Variants in CFAP92 observed in about 807,000 individuals in gnomAD.
The protein encoded by CFAP92 is uncharacterized protein CFAP92.
A neutral mutation model predicts 106.3 loss-of-function variants in CFAP92; 86 were observed. That is an observed-to-expected ratio of 0.81 (90% CI 0.68 to 0.97). The LOEUF (loss-of-function observed/expected upper bound fraction) is 0.97. Ranked by LOEUF, CFAP92 falls within the 50% of genes least tolerant of loss-of-function variation. The pLI is 0.00. For missense variants in CFAP92, 1,204 were observed against 1,283.8 expected (o/e 0.94, Z 0.95); for synonymous variants, 477 against 506.4 (o/e 0.94, Z 0.78).
rs191574528 is a variant in CFAP92 at position 128,945,817 on chromosome 3, G to C, written c.1512C>G (p.Gly504=). 1.4e-5 allele frequency: 22 copies of C among 1,521,012 alleles called. No individual in the cohort carries two copies. The South Asian group carries it at 2.6e-4, about 18-fold the overall frequency. 94.2% of individuals were successfully genotyped at this position (1,521,012 alleles called of 1,614,324 possible). ...HPSDLREYLE[G]PPMVVEVHDR... is the part of the protein sequence containing the mutation. ...CGTGAACTTCCACCACCATGGGGGG[G>C]CCCTCCAGGTATTCCCTTAGGTCAC... The change falls in exon 10 of 16, where the codon GGC becomes GGG. Residue 504 remains glycine (G), a synonymous_variant. Coordinates refer to ENST00000645291, the MANE Select transcript of CFAP92 (RefSeq NM_001394090.1).
At chr3:129,024,223 G>T in the CFAP92 span, among the ~76,000 whole-genome samples, 1 of 152,080 alleles carries the variant, frequency 6.6e-6, no homozygotes, top group Non-Finnish European at 1.5e-5. Flanking sequence ...CACAGACTGG[G>T]TAATTTATAA....
At chr3:128,931,235 G>C (rs1485899726) in intron 12 of CFAP92, among the ~76,000 whole-genome samples, 1 of 152,072 alleles carries the variant, frequency 6.6e-6, no homozygotes. Context: ...CATCCAGGCT[G>C]GAATGTAATG....
chr3:128,998,991 G>A (rs192729909), upstream of CFAP92, among the ~76,000 whole-genome samples: 339 of 152,302 alleles, frequency 2.2e-3, no homozygotes, highest in South Asian at 8.3e-3. Context: ...GAAATACACA[G>A]TGATCCTCTC....
chr3:128,983,926 C>T (rs1167279072), intron 4 of CFAP92, among the ~76,000 whole-genome samples: 8 of 152,080 alleles, frequency 5.3e-5, no homozygotes, highest in African/African-American at 1.4e-4. Context: ...GCACCAGGGC[C>T]GAAGGGGAGA....
At chr3:128,930,251 C>T (rs967056695) in intron 12 of CFAP92, among the ~76,000 whole-genome samples, 5 of 151,980 alleles carry the variant, frequency 3.3e-5, no homozygotes, top group Admixed American at 6.6e-5. Flanking sequence ...CCTGGGTTCA[C>T]GCCATTCTCC....
chr3:128,993,003 C>T (rs778654714), intron 2 of CFAP92, 40 bp downstream of exon 2: 7 of 1,608,776 alleles, frequency 4.4e-6, no homozygotes, highest in Non-Finnish European at 5.1e-6. Context: ...CATGCACCTC[C>T]TTTTTTCAGA....
chr3:128,957,743 G>A (rs753797973), intron 9 of CFAP92, among the ~76,000 whole-genome samples: 3 of 152,218 alleles, frequency 2.0e-5, no homozygotes, highest in Non-Finnish European at 2.9e-5. Context: ...CATTATCCTG[G>A]AGTGGGGGAG....
At chr3:128,938,136 G>A (rs1323775826) in intron 10 of CFAP92, among the ~76,000 whole-genome samples, 1 of 151,972 alleles carries the variant, frequency 6.6e-6, no homozygotes, top group South Asian at 2.1e-4. Flanking sequence ...AGAGGCTGAG[G>A]TGGGAGGATT....
rs78389201 is a variant in CFAP92, at chr3:128,987,882, G to A, written c.454-53C>T. 94 of 1,479,604 alleles carry A rather than the reference G, an allele frequency of 6.4e-5. No homozygotes were observed. In the East Asian group the frequency reaches 1.8e-3, roughly 29 times the overall value. The allele number at this position is 1,479,604 out of a possible 1,614,324, so 91.7% of individuals were successfully genotyped here. A position where few individuals can be genotyped will look rare whatever the true frequency, so the allele number is the denominator to read the frequency against. On this transcript the variant is annotated intron_variant, in intron 3 of 15. Transcript: ENST00000645291. ...AACTGGGGAAAGATGTGCAAAGGCC[G>A]TGGCGAACAGAGCAAGCCCCAGCCC...
At chr3:129,019,950 G>A in the CFAP92 span, among the ~76,000 whole-genome samples, 1 of 151,830 alleles carries the variant, frequency 6.6e-6, no homozygotes, top group East Asian at 1.9e-4. Context: ...TGTATTTTTA[G>A]TAGAGACAGG....
intron 10 of CFAP92, among the ~76,000 whole-genome samples, chr3:128,937,332 A>AAAAC (rs796582752): frequency 2.1e-5 from 3 of 143,584 alleles, no homozygotes; most frequent in African/African-American, 5.2e-5. Flanking sequence ...AAAAAAAAAA[A>AAAAC]CCACGCGTAG....
At chr3:128,911,794 T>G (rs1936359058) in intron 15 of CFAP92, among the ~76,000 whole-genome samples, 1 of 152,240 alleles carries the variant, frequency 6.6e-6, no homozygotes, top group Non-Finnish European at 1.5e-5. Flanking sequence ...GAGGAGCATC[T>G]GGTTGTACCT....
rs1938552100 is a variant in CFAP92 at position 128,932,858 on chromosome 3, G to GT, written c.2592dup (p.Leu865ThrfsTer13). On this transcript the variant is annotated frameshift_variant, in exon 12 of 16. Coordinates refer to ENST00000645291, the MANE Select transcript of CFAP92 (RefSeq NM_001394090.1). LOFTEE classifies it high-confidence loss of function. ...GCAGGCTGAGGTGGTAGGGCAAACAGTTTCTCATCTGTGAGTTCTTCTTGC... is the reference window on the plus strand; with the variant it reads ...GCAGGCTGAGGTGGTAGGGCAAACAGTTTTCTCATCTGTGAGTTCTTCTTGC... 1.3e-6 allele frequency: 2 copies of GT among 1,536,110 alleles called. No homozygotes were observed. The highest frequency in any genetic ancestry group is 3.9e-5 in the Admixed American group (2 of 50,982).
Position 128,921,592 on chromosome 3 carries a change from A to G in CFAP92, c.2752-5321T>C, listed in dbSNP as rs373134848. ...TTGGGCCATTGTTTCAATTGTGGGCAATTTGGACACAGAAAAAAGGAATGT... is the reference window on the plus strand; with the variant it reads ...TTGGGCCATTGTTTCAATTGTGGGCGATTTGGACACAGAAAAAAGGAATGT... On this transcript the variant is annotated intron_variant, in intron 12 of 15. Transcript: ENST00000645291. 1.3e-4 allele frequency among the ~76,000 whole-genome samples: 20 copies of G among 152,346 alleles called. 1 individual carries two copies. The highest frequency in any genetic ancestry group is 4.6e-4 in the Admixed American group (7 of 15,298).
chr3:128,987,560 G>A (rs1943935236), intron 4 of CFAP92, 56 bp downstream of exon 4: 4 of 1,473,110 alleles, frequency 2.7e-6, no homozygotes, highest in Non-Finnish European at 9.5e-7. Context: ...CTTTTATGCT[G>A]TTACTAGTGA....
At chr3:128,973,989 C>G (rs1042924054) in intron 7 of CFAP92, among the ~76,000 whole-genome samples, 2 of 152,198 alleles carry the variant, frequency 1.3e-5, no homozygotes, top group African/African-American at 4.8e-5. Context: ...GTTTAAAAAT[C>G]TCATTAAATG....
At chr3:128,948,503 C>T (rs1163550853) in intron 9 of CFAP92, among the ~76,000 whole-genome samples, 7 of 143,998 alleles carry the variant, frequency 4.9e-5, no homozygotes, top group African/African-American at 7.7e-5. Context: ...GGATAACAGG[C>T]GTGAGCCACC....
chr3:128,929,175 A>C (rs1010348235), intron 12 of CFAP92, among the ~76,000 whole-genome samples: 1 of 152,228 alleles, frequency 6.6e-6, no homozygotes, highest in Non-Finnish European at 1.5e-5. Flanking sequence ...TAAGCACATT[A>C]AAAGATATCT....
Position 128,915,544 on chromosome 3 carries a change from G to C in CFAP92, c.2936C>G (p.Thr979Arg). ...GGCTGAGAGGTAATCCTGTGAGTAC[G>C]TGAATCTCTTTCTTGGCTCCTAGAA... ...EIAKEPRKRFTYSQDYLSAMV... is the reference protein window; with the variant it reads ...EIAKEPRKRFRYSQDYLSAMV... The change falls in exon 14 of 16, where the codon ACG becomes AGG. Residue 979 changes from threonine to arginine, a missense_variant. Coordinates refer to ENST00000645291, the MANE Select transcript of CFAP92 (RefSeq NM_001394090.1). 6.6e-7 allele frequency: 1 copy of C among 1,520,916 alleles called. No homozygotes were observed. The highest frequency in any genetic ancestry group is 8.8e-7 in the Non-Finnish European group (1 of 1,139,304). 94.2% of individuals were successfully genotyped at this position (1,520,916 alleles called of 1,614,324 possible). A position where few individuals can be genotyped will look rare whatever the true frequency, so the allele number is the denominator to read the frequency against.
Sources: allele counts gnomAD v4.1 joint callset (sites outside exome capture counted in the v4.1 genomes callset), GRCh38; gene constraint gnomAD v4.1.1; transcripts MANE v1.5; gene names NCBI Gene and HGNC (gene_info 2026-07-23, HGNC 2026-07-21).